HCRTR2: variants seen among roughly 807,000 people sequenced by gnomAD.
HCRTR2 encodes hypocretin receptor 2.
In HCRTR2, 22 loss-of-function variants were observed where a neutral mutation model predicts 49.0. The ratio of observed to expected loss-of-function variants is 0.45; its 90% CI spans 0.32 to 0.64. The LOEUF (loss-of-function observed/expected upper bound fraction) is 0.64. Ranked by LOEUF, HCRTR2 falls within the 30% of genes least tolerant of loss-of-function variation. The pLI, the probability that HCRTR2 is intolerant of heterozygous loss-of-function variation, is 0.04. For missense variants in HCRTR2, 491 were observed against 559.4 expected (o/e 0.88, Z 1.23); for synonymous variants, 236 against 205.3 (o/e 1.15, Z -1.28).
chr6:55,121,378 A>G (rs1259536642), intron 1 of HCRTR2, among the ~76,000 whole-genome samples: 1 of 152,174 alleles, frequency 6.6e-6, no homozygotes, highest in Non-Finnish European at 1.5e-5. Context: ...TTTTGGGCTG[A>G]GATGATGGGA....
intron 1 of HCRTR2, among the ~76,000 whole-genome samples, chr6:55,230,354 A>T (rs765831944): frequency 2.0e-5 from 3 of 152,196 alleles, no homozygotes; most frequent in Non-Finnish European, 4.4e-5. Context: ...AATAACAAAA[A>T]TGACAGGATT....
intron 1 of HCRTR2, among the ~76,000 whole-genome samples, chr6:55,143,527 T>C (rs531299661): frequency 1.6e-4 from 25 of 152,226 alleles, no homozygotes; most frequent in Non-Finnish European, 2.8e-4. Flanking sequence ...TTTCTATTCC[T>C]TTTTGGTTTT....
downstream of HCRTR2, among the ~76,000 whole-genome samples, chr6:55,283,066 C>T (rs1767228055): frequency 6.6e-6 from 1 of 152,154 alleles, no homozygotes; most frequent in Admixed American, 6.5e-5. Context: ...CATTTCTTGT[C>T]TCAACATATG....
chr6:55,258,610 T>A lies in HCRTR2; in HGVS notation c.646+3231T>A, dbSNP rs1016357244. Among the ~76,000 whole-genome samples the A allele has an allele frequency of 7.9e-5, 12 of 152,230 alleles. 1 individual carries two copies. Among genetic ancestry groups the A allele is most frequent in the South Asian group, 2.1e-4 (1 of 4,834 alleles). On this transcript the variant is annotated intron_variant, in intron 3 of 6. Transcript: ENST00000370862. The stretch of plus-strand genomic sequence containing the variant: ...AGAACATATAAATAATGTAAATACT[T>A]ATTTTAATAACCTTTAAAATATACA...
intron 1 of HCRTR2, among the ~76,000 whole-genome samples, chr6:55,206,913 GA>G (rs923306979): frequency 3.3e-5 from 5 of 151,506 alleles, no homozygotes; most frequent in Non-Finnish European, 5.9e-5. Context: ...ATCATGCAGT[GA>G]AAAAAAATAC....
chr6:55,175,763 G>A (rs892175790), intron 1 of HCRTR2, among the ~76,000 whole-genome samples: 1 of 152,028 alleles, frequency 6.6e-6, no homozygotes, highest in Non-Finnish European at 1.5e-5. Flanking sequence ...ATGTATTAGG[G>A]CAGTTGGGGA....
chr6:55,119,297 G>A (rs189814666), intron 1 of HCRTR2, among the ~76,000 whole-genome samples: 11 of 151,772 alleles, frequency 7.2e-5, no homozygotes, highest in Admixed American at 2.0e-4. Context: ...GTATATACCC[G>A]CTAATGGGAT....
chr6:55,277,296 C>A, intron 4 of HCRTR2, 84 bp from the exon 5 acceptor site: 2 of 1,169,022 alleles, frequency 1.7e-6, no homozygotes, highest in Non-Finnish European at 1.3e-6. Context: ...GGAAGCCTTT[C>A]CTTACTGTGT....
At chr6:55,153,484 C>T (rs1358757005) in intron 1 of HCRTR2, among the ~76,000 whole-genome samples, 1 of 151,916 alleles carries the variant, frequency 6.6e-6, no homozygotes, top group Admixed American at 6.6e-5. Context: ...AGAAAAAGTA[C>T]AGTAAAAATA....
chr6:55,132,418 T>C (rs1481737751), intron 1 of HCRTR2, among the ~76,000 whole-genome samples: 1 of 151,914 alleles, frequency 6.6e-6, no homozygotes, highest in Non-Finnish European at 1.5e-5. Context: ...AATGTAGTTA[T>C]TGATTATCTA....
At chr6:55,129,791 G>A (rs1406929900) in intron 1 of HCRTR2, among the ~76,000 whole-genome samples, 1 of 151,922 alleles carries the variant, frequency 6.6e-6, no homozygotes, top group Non-Finnish European at 1.5e-5. Context: ...CTGATCACAT[G>A]TCTTCTCAGC....
chr6:55,241,289 A>G (rs1010174107), intron 1 of HCRTR2, among the ~76,000 whole-genome samples: 7 of 152,094 alleles, frequency 4.6e-5, no homozygotes, highest in African/African-American at 1.7e-4. Context: ...TTTTCTATCT[A>G]GAAAATCCAA....
intron 1 of HCRTR2, among the ~76,000 whole-genome samples, chr6:55,181,322 T>C (rs1386425361): frequency 6.6e-6 from 1 of 152,196 alleles, no homozygotes; most frequent in Non-Finnish European, 1.5e-5. Flanking sequence ...TTCACCTTTG[T>C]TCACAATGAG....
chr6:55,145,505 G>C (rs1764568453), intron 1 of HCRTR2, among the ~76,000 whole-genome samples: 1 of 151,838 alleles, frequency 6.6e-6, no homozygotes, highest in Non-Finnish European at 1.5e-5. Flanking sequence ...CCGCCTCCCG[G>C]GTTCATGCCA....
intron 1 of HCRTR2, among the ~76,000 whole-genome samples, chr6:55,112,433 G>A (rs1764061338): frequency 6.7e-6 from 1 of 150,230 alleles, no homozygotes; most frequent in South Asian, 2.1e-4. Flanking sequence ...GCTGATCAAT[G>A]AATTCAGTAA....
chr6:55,168,613 T>G (rs1011851653), intron 1 of HCRTR2, among the ~76,000 whole-genome samples: 1 of 152,164 alleles, frequency 6.6e-6, no homozygotes, highest in Non-Finnish European at 1.5e-5. Flanking sequence ...TTGCCCAGGC[T>G]GGAGTGCAGT....
intron 1 of HCRTR2, among the ~76,000 whole-genome samples, chr6:55,157,095 G>T (rs918133525): frequency 1.3e-5 from 2 of 152,064 alleles, no homozygotes; most frequent in Non-Finnish European, 2.9e-5. Flanking sequence ...TCTGGCAGAT[G>T]ACATAATCTT....
intron 3 of HCRTR2, among the ~76,000 whole-genome samples, chr6:55,257,749 A>G (rs1396564735): frequency 6.6e-6 from 1 of 151,900 alleles, no homozygotes; most frequent in East Asian, 1.9e-4. Flanking sequence ...CAATTGTTGA[A>G]TATGTAAAAA....
intron 1 of HCRTR2, among the ~76,000 whole-genome samples, chr6:55,214,030 A>T (rs955174524): frequency 1.3e-5 from 2 of 152,114 alleles, no homozygotes; most frequent in African/African-American, 4.8e-5. Flanking sequence ...GTGCAGATGG[A>T]ACCTAGCATA....
Sources: allele counts gnomAD v4.1 joint callset (sites outside exome capture counted in the v4.1 genomes callset), GRCh38; gene constraint gnomAD v4.1.1; transcripts MANE v1.5; gene names NCBI Gene and HGNC (gene_info 2026-07-23, HGNC 2026-07-21).